The following TRNT1 variants were observed in gnomAD, a reference collection of about 807,000 sequenced individuals.
TRNT1 encodes the protein CCA tRNA nucleotidyltransferase 1, mitochondrial.
Under a neutral mutation model 45.6 loss-of-function variants are expected in TRNT1, and 44 were observed. That is an observed-to-expected ratio of 0.97 (90% confidence interval 0.76 to 1.24). TRNT1 has a LOEUF of 1.24. TRNT1 is among the 50% of genes most tolerant of loss of function. The pLI is 0.00. For synonymous variants in TRNT1, 201 were observed against 171.4 expected (o/e 1.17, Z -1.35); for missense variants, 633 against 504.4 (o/e 1.25, Z -2.44).
intron 2 of TRNT1, among the ~76,000 whole-genome samples, chr3:3,134,963 T>C (rs1705237489): frequency 6.6e-6 from 1 of 152,106 alleles, no homozygotes; most frequent in African/African-American, 2.4e-5. Context: ...GCTAGATCAT[T>C]GTTTTCCAAC....
intron 2 of TRNT1, chr3:3,136,861 G>T (rs889113661): frequency 1.7e-5 from 5 of 300,522 alleles, no homozygotes; most frequent in Non-Finnish European, 6.5e-6. Flanking sequence ...TCTTTGCCCA[G>T]GCTGGTCTTG....
intron 1 of TRNT1, among the ~76,000 whole-genome samples, chr3:3,128,795 A>G (rs1024195859): frequency 1.3e-5 from 2 of 152,028 alleles, no homozygotes; most frequent in African/African-American, 4.8e-5. Context: ...GGCCTGCGCT[A>G]GTGAGACCCC....
chr3:3,137,254 T>A lies in TRNT1; in HGVS notation c.149-6T>A, dbSNP rs1448761297. ...GGAATAAAAATCTTATTTTCTCTCA[T>A]CTCAGAATTATTTGTCAAAGAGAAT... On this transcript the variant is annotated splice_polypyrimidine_tract_variant and splice_region_variant and intron_variant, in intron 2 of 7. Transcript: ENST00000251607. 1.9e-6 allele frequency: 3 copies of A among 1,573,584 alleles called. No homozygotes were observed. Among genetic ancestry groups the A allele is most frequent in the Non-Finnish European group, 2.6e-6 (3 of 1,162,738 alleles).
In TRNT1 at chr3:3,146,735, A is replaced by G. The variant is rs1234552774; in HGVS notation, c.802+112A>G. 3.8e-6 allele frequency: 4 copies of G among 1,039,384 alleles called. No individual in the cohort carries two copies. In the African/African-American group the frequency reaches 6.5e-5, roughly 17 times the overall value. 64.4% of individuals were successfully genotyped at this position (1,039,384 alleles called of 1,614,324 possible). A position where few individuals can be genotyped will look rare whatever the true frequency, so the allele number is the denominator to read the frequency against. On this transcript the variant is annotated intron_variant, in intron 6 of 7. Coordinates refer to ENST00000251607, the MANE Select transcript of TRNT1 (RefSeq NM_182916.3). ...GGTTGAAGAATTCTTGGAGAAATGGAGTATTTTAAAATAAGACAAAGTTTG... is the reference window on the plus strand; with the variant it reads ...GGTTGAAGAATTCTTGGAGAAATGGGGTATTTTAAAATAAGACAAAGTTTG...
At chr3:3,153,311 G>A (rs1706716172), downstream of TRNT1, 2 of 692,012 alleles carry the variant, frequency 2.9e-6, no homozygotes, top group East Asian at 5.3e-5. Flanking sequence ...TATTTCATTT[G>A]CTAAATGTTT....
rs751704888 is a variant in TRNT1, at chr3:3,144,577, T to C, written c.482-7T>C. ...GTGATTTTTCTCCCTCCTTTTCTAA[T>C]GAATAGGTTTTGATGGCACTTTATT... On this transcript the variant is annotated splice_region_variant and splice_polypyrimidine_tract_variant and intron_variant, in intron 4 of 7. Transcript: ENST00000251607. 2.5e-6 allele frequency: 4 copies of C among 1,573,232 alleles called. No homozygotes were observed. In the Admixed American group the frequency reaches 7.5e-5, roughly 30 times the overall value.
chr3:3,127,216 G>T (rs1268440140), intron 1 of TRNT1: 1 of 152,304 alleles, frequency 6.6e-6, no homozygotes, highest in African/African-American at 2.4e-5. Context: ...GCTTCCCTCA[G>T]CACTTTCCCC....
At chr3:3,153,163 A>C (rs1706702560), downstream of TRNT1, 1 of 427,026 alleles carries the variant, frequency 2.3e-6, no homozygotes, top group South Asian at 2.3e-5. Flanking sequence ...TAGATTGTCA[A>C]CAAGAATTAG....
downstream of TRNT1, chr3:3,149,563 CAGGAACTTCCTGGAGTAAGTAAG>C (rs1706331750): frequency 1.3e-5 from 2 of 150,000 alleles, no homozygotes; most frequent in African/African-American, 5.0e-5. Context: ...ATGCTACTGA[CAGGAACTTCCTGGAGTAAGTAAG>C]TTTTAGTGCA....
At position 3,147,392 on chromosome 3, in the gene TRNT1, A is replaced by G. The variant is rs111873072; in HGVS notation, c.803-58A>G. ...TACTAAAATGGTGGCAAGGTTTAGGATATGAGTGGTTTTTTATCCCCACTA... is the reference window on the plus strand; with the variant it reads ...TACTAAAATGGTGGCAAGGTTTAGGGTATGAGTGGTTTTTTATCCCCACTA... On this transcript the variant is annotated intron_variant, in intron 6 of 7. Transcript: ENST00000251607. 2.0e-4 allele frequency: 312 copies of G among 1,589,870 alleles called. 2 individuals are homozygous for G. The African/African-American group carries it at 3.9e-3, about 20-fold the overall frequency.
Position 3,148,016 on chromosome 3 carries a change from T to C in TRNT1, c.1167T>C (p.Ser389=). The change falls in exon 8 of 8, where the codon AGT becomes AGC. Residue 389 remains serine, a synonymous_variant. Coordinates refer to ENST00000251607, the MANE Select transcript of TRNT1 (RefSeq NM_182916.3). ...QQWSIPPFPV[S]GHDIRKVGIS... The stretch of plus-strand genomic sequence containing the variant: ...GGTCCATTCCTCCATTTCCTGTAAG[T>C]GGCCATGACATCAGAAAAGTGGGCA... 1.9e-6 allele frequency: 3 copies of C among 1,613,944 alleles called. No individual in the cohort carries two copies. The highest frequency in any genetic ancestry group is 2.5e-6 in the Non-Finnish European group (3 of 1,179,884).
At chr3:3,129,348 T>G (rs959094902) in intron 2 of TRNT1, 160 bp downstream of exon 2, 2 of 657,832 alleles carry the variant, frequency 3.0e-6, no homozygotes, top group African/African-American at 3.6e-5. Flanking sequence ...CAGGCTGGTC[T>G]CAAAACTCCT....
chr3:3,146,781 C>T (rs1028128327), intron 6 of TRNT1, among the ~76,000 whole-genome samples, 158 bp downstream of exon 6: 3 of 152,032 alleles, frequency 2.0e-5, no homozygotes, highest in South Asian at 2.1e-4. Flanking sequence ...TAAGTTTTGT[C>T]GTGAGTAGGG....
chr3:3,147,858 G>C, intron 7 of TRNT1, 48 bp from the exon 8 acceptor site: 1 of 1,572,208 alleles, frequency 6.4e-7, no homozygotes, highest in Non-Finnish European at 8.6e-7. Context: ...GATTGTAAGT[G>C]TATGTTTTCA....
At chr3:3,131,722 A>G (rs1705027147) in intron 2 of TRNT1, 1 of 95,936 alleles carries the variant, frequency 1.0e-5, no homozygotes, top group Admixed American at 1.4e-4. Flanking sequence ...AGCAAAAGAA[A>G]CTACCATCAG....
rs140945953 is a variant in TRNT1, at chr3:3,134,130, T to A, written c.149-3130T>A. Among the ~76,000 whole-genome samples, 782 of 152,324 alleles carry A rather than the reference T, an allele frequency of 5.1e-3. 6 individuals carry two copies. Among genetic ancestry groups the A allele is most frequent in the African/African-American group, 0.018 (734 of 41,582 alleles). On this transcript the variant is annotated intron_variant, in intron 2 of 7. Transcript: ENST00000251607. Reference sequence around the variant, plus strand: ...GCTTAAGTTTACAGTTAAATTTAGTTACATTAGGTGTTATTTTCACTGAAT... The same window carrying A: ...GCTTAAGTTTACAGTTAAATTTAGTAACATTAGGTGTTATTTTCACTGAAT...
intron 3 of TRNT1, among the ~76,000 whole-genome samples, chr3:3,138,893 C>G (rs917571726): frequency 2.6e-5 from 4 of 152,152 alleles, no homozygotes; most frequent in African/African-American, 9.7e-5. Context: ...GGGTGATGCT[C>G]TGTATCTGAG....
chr3:3,152,278 G>C (rs980951104), downstream of TRNT1, among the ~76,000 whole-genome samples: 1 of 151,446 alleles, frequency 6.6e-6, no homozygotes, highest in African/African-American at 2.4e-5. Context: ...TCAGCATCCC[G>C]AGCAGCTGGG....
intron 5 of TRNT1, chr3:3,145,759 AT>A (rs1461686863): frequency 6.6e-6 from 1 of 152,150 alleles, no homozygotes; most frequent in Non-Finnish European, 1.5e-5. Flanking sequence ...TGTCTTATAA[AT>A]AATAGAACAT....
Sources: gnomAD v4.1 joint callset for allele counts (sites outside exome capture counted in the v4.1 genomes callset) on GRCh38, gnomAD v4.1.1 for gene constraint, MANE v1.5 for transcripts, NCBI Gene and HGNC (gene_info 2026-07-23, HGNC 2026-07-21) for gene names.